DCC: variants seen among roughly 807,000 people sequenced by gnomAD.
DCC encodes the protein DCC netrin 1 receptor.
In DCC, 58 loss-of-function variants were observed where a neutral mutation model predicts 172.5. The ratio of observed to expected loss-of-function variants is 0.34; its 90% CI spans 0.27 to 0.42. The LOEUF (loss-of-function observed/expected upper bound fraction) is 0.42, where lower values mean the gene tolerates loss of function less well. DCC is among the 10% of genes least tolerant of loss of function. The probability of loss-of-function intolerance (pLI) is 1.00; values close to 1 mark genes in which losing one functional copy is unlikely to be tolerated. For missense variants in DCC, 1,740 were observed against 1,791.0 expected (o/e 0.97, Z 0.51); for synonymous variants, 709 against 644.5 (o/e 1.10, Z -1.52).
intron 7 of DCC, among the ~76,000 whole-genome samples, chr18:53,070,401 G>A (rs866277427): frequency 3.9e-5 from 6 of 152,158 alleles, no homozygotes; most frequent in South Asian, 2.1e-4. Context: ...GTTTGAAGAC[G>A]GATGACAGCA....
intron 27 of DCC, among the ~76,000 whole-genome samples, chr18:53,522,561 C>G (rs1258405862): frequency 6.6e-6 from 1 of 152,026 alleles, no homozygotes; most frequent in African/African-American, 2.4e-5. Flanking sequence ...GTACTGGTAC[C>G]AAAACAGAGA....
chr18:53,312,153 C>CAAAAAAAAAAAAAA (rs895203731), intron 13 of DCC, among the ~76,000 whole-genome samples: 4 of 26,702 alleles, frequency 1.5e-4, no homozygotes, highest in Non-Finnish European at 2.7e-4. Context: ...GCTAAAAATA[C>CAAAAAAAAAAAAAA]AAAAAAAAAA....
intron 5 of DCC, among the ~76,000 whole-genome samples, chr18:52,935,875 G>A (rs1031222072): frequency 6.6e-6 from 1 of 151,968 alleles, no homozygotes; most frequent in African/African-American, 2.4e-5. Context: ...CAACATCATT[G>A]CCTCTGCCTA....
At chr18:53,100,820 C>CA (rs745915241) in intron 7 of DCC, among the ~76,000 whole-genome samples, 26 of 151,140 alleles carry the variant, frequency 1.7e-4, no homozygotes, top group African/African-American at 3.4e-4. Context: ...GGAAAGCTTG[C>CA]AAAAAAAATG....
chr18:52,341,609 T>A (rs7242705), intron 1 of DCC, among the ~76,000 whole-genome samples: 49,814 of 152,116 alleles, frequency 0.33, 8,236 homozygotes, highest in Non-Finnish European at 0.35. Flanking sequence ...GGCACTTGCC[T>A]AGCTCAGTTT....
At chr18:53,433,632 C>T (rs937149165) in intron 21 of DCC, among the ~76,000 whole-genome samples, 6 of 150,676 alleles carry the variant, frequency 4.0e-5, no homozygotes, top group African/African-American at 7.3e-5. Flanking sequence ...AAAGCTTATC[C>T]GCTGCTCATT....
At chr18:52,397,133 T>G (rs34979617) in intron 1 of DCC, among the ~76,000 whole-genome samples, 14,458 of 152,106 alleles carry the variant, frequency 0.095, 881 homozygotes, top group South Asian at 0.16. Flanking sequence ...TAAATGTTTA[T>G]AGTAGTGATT....
Position 52,745,853 on chromosome 18 carries a change from A to T in DCC, c.92-6201A>T, listed in dbSNP as rs573628901. On this transcript the variant is annotated intron_variant, in intron 1 of 28. Coordinates refer to ENST00000442544, the MANE Select transcript of DCC (RefSeq NM_005215.4). ...CTACTTAACATTGTGCGTTTTCAGC[A>T]GGTTCCCAGGAGGTGTTGCTGTTGC... Among the ~76,000 whole-genome samples the T allele has an allele frequency of 3.9e-5, 6 of 152,294 alleles. No homozygotes were observed. In the South Asian group the frequency reaches 1.2e-3, roughly 32 times the overall value.
intron 2 of DCC, among the ~76,000 whole-genome samples, chr18:52,823,876 G>A (rs957198759): frequency 2.0e-5 from 3 of 152,250 alleles, no homozygotes; most frequent in Admixed American, 6.5e-5. Context: ...GGAACAACAC[G>A]TATGTGACAA....
intron 15 of DCC, among the ~76,000 whole-genome samples, chr18:53,376,377 G>C (rs62098044): frequency 0.3 from 45,190 of 151,958 alleles, 8,623 homozygotes; most frequent in Non-Finnish European, 0.44. Flanking sequence ...GAGCAAAACT[G>C]TGTCTCAAAA....
intron 15 of DCC, among the ~76,000 whole-genome samples, chr18:53,349,495 A>G (rs1241072164): frequency 1.3e-5 from 2 of 152,128 alleles, no homozygotes; most frequent in Admixed American, 6.6e-5. Flanking sequence ...GTATCTTTTC[A>G]GCAACCTCCA....
intron 1 of DCC, among the ~76,000 whole-genome samples, chr18:52,690,102 G>A (rs1411852771): frequency 3.3e-5 from 5 of 152,146 alleles, no homozygotes; most frequent in African/African-American, 4.8e-5. Flanking sequence ...CTTGACAGCA[G>A]CCTCAGGAGA....
At chr18:53,476,823 A>G (rs1418626161) in intron 25 of DCC, among the ~76,000 whole-genome samples, 5 of 152,114 alleles carry the variant, frequency 3.3e-5, no homozygotes, top group African/African-American at 1.2e-4. Context: ...AACATTGAGC[A>G]CTGTATTTAG....
intron 27 of DCC, among the ~76,000 whole-genome samples, chr18:53,511,212 T>C (rs898327937): frequency 5.9e-5 from 9 of 152,124 alleles, no homozygotes; most frequent in Non-Finnish European, 2.9e-5. Flanking sequence ...TTTATAAAAA[T>C]AATAGAGACA....
At chr18:53,131,610 A>G (rs2043652464) in intron 7 of DCC, among the ~76,000 whole-genome samples, 1 of 152,156 alleles carries the variant, frequency 6.6e-6, no homozygotes, top group African/African-American at 2.4e-5. Flanking sequence ...CAGTAAACAT[A>G]TATAATCAAG....
At chr18:52,369,840 T>C (rs1322615415) in intron 1 of DCC, among the ~76,000 whole-genome samples, 2 of 152,096 alleles carry the variant, frequency 1.3e-5, no homozygotes, top group Non-Finnish European at 1.5e-5. Flanking sequence ...CTGTGATATA[T>C]ACATGGGCAG....
At chr18:52,483,845 T>G (rs1023784977) in intron 1 of DCC, among the ~76,000 whole-genome samples, 11 of 152,084 alleles carry the variant, frequency 7.2e-5, no homozygotes, top group African/African-American at 2.7e-4. Context: ...CTTCGAATGT[T>G]GGATTTTCTA....
At chr18:53,421,713 C>T (rs1399347894) in intron 21 of DCC, among the ~76,000 whole-genome samples, 1 of 152,220 alleles carries the variant, frequency 6.6e-6, no homozygotes, top group Non-Finnish European at 1.5e-5. Context: ...GGTGACTTAA[C>T]ATCTCTCAAC....
Position 52,350,119 on chromosome 18 carries a change from A to G in DCC, c.91+9241A>G, listed in dbSNP as rs4940178. Reference sequence around the variant, plus strand: ...GACCAAGTATTTCATTGAAGATAGTACAATAGTTACTGAGCCTTTACCAAC... The same window carrying G: ...GACCAAGTATTTCATTGAAGATAGTGCAATAGTTACTGAGCCTTTACCAAC... On this transcript the variant is annotated intron_variant, in intron 1 of 28. Transcript: ENST00000442544. Among the ~76,000 whole-genome samples, 136 of 152,336 alleles carry G rather than the reference A, an allele frequency of 8.9e-4. 2 individuals are homozygous for G. The East Asian group carries it at 0.022, about 25-fold the overall frequency.
Sources: allele counts gnomAD v4.1 joint callset (sites outside exome capture counted in the v4.1 genomes callset), GRCh38; gene constraint gnomAD v4.1.1; transcripts MANE v1.5; gene names NCBI Gene and HGNC (gene_info 2026-07-23, HGNC 2026-07-21).